The following RPSA2 variants were observed in gnomAD, a reference collection of about 807,000 sequenced individuals.
RPSA2 encodes small ribosomal subunit protein uS2B.
chr19:23,791,621 A>C, the RPSA2 span, among the ~76,000 whole-genome samples: 1 of 152,202 alleles, frequency 6.6e-6, no homozygotes, highest in African/African-American at 2.4e-5. Context: ...GCTTACAGCA[A>C]AATACTAAAT....
chr19:23,868,042 A>G, the RPSA2 span, among the ~76,000 whole-genome samples: 121 of 152,248 alleles, frequency 7.9e-4, no homozygotes, highest in African/African-American at 2.7e-3. Flanking sequence ...CAGTTCCCGG[A>G]ATTCACCGAT....
chr19:23,808,733 A>T, the RPSA2 span: 1 of 767,384 alleles, frequency 1.3e-6, no homozygotes, highest in Non-Finnish European at 2.1e-6. Flanking sequence ...TACTGTCTCT[A>T]AGCCAGACCT....
the RPSA2 span, among the ~76,000 whole-genome samples, chr19:23,794,953 A>G: frequency 1.3e-5 from 2 of 152,156 alleles, no homozygotes; most frequent in Admixed American, 6.5e-5. Context: ...CCACATTTCT[A>G]TTGTCATCTT....
the RPSA2 span, among the ~76,000 whole-genome samples, chr19:23,870,097 C>A: frequency 6.6e-6 from 1 of 152,198 alleles, no homozygotes; most frequent in Non-Finnish European, 1.5e-5. Context: ...CCCTGTTTGG[C>A]ACTTTGTGAA....
At chr19:23,839,291 C>A in the RPSA2 span, among the ~76,000 whole-genome samples, 1 of 152,230 alleles carries the variant, frequency 6.6e-6, no homozygotes, top group Non-Finnish European at 1.5e-5. Context: ...CCACTGTGAT[C>A]TGAGAGAGTT....
At chr19:23,830,648 TTAAA>T in the RPSA2 span, among the ~76,000 whole-genome samples, 2 of 152,244 alleles carry the variant, frequency 1.3e-5, no homozygotes, top group Admixed American at 6.5e-5. Context: ...TTTTGAAATC[TTAAA>T]TATTTTTGTT....
At chr19:23,764,881 A>T in the RPSA2 span, among the ~76,000 whole-genome samples, 1 of 151,704 alleles carries the variant, frequency 6.6e-6, no homozygotes, top group Admixed American at 6.6e-5. Flanking sequence ...TTTGGGTTGA[A>T]GTTTTGCTTT....
chr19:23,835,723 G>A, the RPSA2 span, among the ~76,000 whole-genome samples: 7 of 152,008 alleles, frequency 4.6e-5, no homozygotes, highest in East Asian at 1.2e-3. Flanking sequence ...TGTAGCCTCT[G>A]CCTCTCAGGT....
At chr19:23,825,236 C>A in the RPSA2 span, among the ~76,000 whole-genome samples, 13 of 152,014 alleles carry the variant, frequency 8.6e-5, no homozygotes, top group African/African-American at 3.1e-4. Context: ...CCTTGGCCTC[C>A]CAAGGTATCT....
the RPSA2 span, among the ~76,000 whole-genome samples, chr19:23,852,558 G>A: frequency 2.6e-5 from 4 of 152,228 alleles, no homozygotes; most frequent in Non-Finnish European, 5.9e-5. Flanking sequence ...GCAGGAAGAT[G>A]CCCTTAAGAC....
At chr19:23,783,256 C>T in the RPSA2 span, among the ~76,000 whole-genome samples, 9 of 151,942 alleles carry the variant, frequency 5.9e-5, no homozygotes, top group Admixed American at 2.0e-4. Flanking sequence ...CCACCACTCC[C>T]ACCTAATTTT....
chr19:23,771,977 A>G, the RPSA2 span, among the ~76,000 whole-genome samples: 2 of 152,194 alleles, frequency 1.3e-5, no homozygotes, highest in African/African-American at 2.4e-5. Context: ...CACTAGGCCC[A>G]GCACCTAGGT....
chr19:23,805,285 C>A, the RPSA2 span, among the ~76,000 whole-genome samples: 46 of 152,246 alleles, frequency 3.0e-4, no homozygotes, highest in African/African-American at 9.9e-4. Context: ...CTCCCCCAGC[C>A]TCCTGAGTAG....
the RPSA2 span, among the ~76,000 whole-genome samples, chr19:23,858,317 G>A: frequency 1.3e-5 from 2 of 151,876 alleles, no homozygotes; most frequent in East Asian, 1.9e-4. Context: ...CATTGTTAGA[G>A]TGATGGATAC....
the RPSA2 span, among the ~76,000 whole-genome samples, chr19:23,846,250 A>AT: frequency 6.6e-6 from 1 of 151,984 alleles, no homozygotes; most frequent in African/African-American, 2.4e-5. Flanking sequence ...CAGTTGGATC[A>AT]TTTTTTCTTA....
chr19:23,839,508 G>T, the RPSA2 span, among the ~76,000 whole-genome samples: 1 of 152,148 alleles, frequency 6.6e-6, no homozygotes, highest in Non-Finnish European at 1.5e-5. Context: ...AGTTGGGTTT[G>T]AAAATTACCC....
At chr19:23,786,717 A>G in the RPSA2 span, among the ~76,000 whole-genome samples, 1 of 151,994 alleles carries the variant, frequency 6.6e-6, no homozygotes, top group Admixed American at 6.6e-5. Flanking sequence ...TCACAGAGAA[A>G]TTGTGACAGA....
chr19:23,867,821 C>A, the RPSA2 span, among the ~76,000 whole-genome samples: 1 of 114,346 alleles, frequency 8.7e-6, no homozygotes, highest in Non-Finnish European at 1.8e-5. Flanking sequence ...CAGAGCGAGA[C>A]TCCGTCTCAA....
the RPSA2 span, among the ~76,000 whole-genome samples, chr19:23,855,775 G>A: frequency 6.6e-6 from 1 of 152,120 alleles, no homozygotes; most frequent in African/African-American, 2.4e-5. Flanking sequence ...CAAAGTGACT[G>A]GATGAGGGAC....
Sources: gnomAD v4.1 joint callset for allele counts (sites outside exome capture counted in the v4.1 genomes callset) on GRCh38, gnomAD v4.1.1 for gene constraint, MANE v1.5 for transcripts, NCBI Gene and HGNC (gene_info 2026-07-23, HGNC 2026-07-21) for gene names.